The following TMEM163 variants were observed in gnomAD, a reference collection of about 807,000 sequenced individuals.
TMEM163 encodes transmembrane protein 163.
Under a neutral mutation model 29.3 loss-of-function variants are expected in TMEM163, and 17 were observed. That is an observed-to-expected ratio of 0.58 (90% CI 0.40 to 0.87). The LOEUF (loss-of-function observed/expected upper bound fraction) is 0.87. Ranked by LOEUF, TMEM163 falls within the 40% of genes least tolerant of loss-of-function variation. The pLI, the probability that TMEM163 is intolerant of heterozygous loss-of-function variation, is 0.00. For synonymous variants in TMEM163, 157 were observed against 160.6 expected (o/e 0.98, Z 0.17); for missense variants, 303 against 381.5 (o/e 0.79, Z 1.71).
chr2:134,664,552 G>A (rs1451753372), intron 2 of TMEM163, among the ~76,000 whole-genome samples: 1 of 152,198 alleles, frequency 6.6e-6, no homozygotes, highest in African/African-American at 2.4e-5. Flanking sequence ...CTTGAGGTAA[G>A]GAGATTATCC....
chr2:134,484,036 A>G (rs1256815349), intron 5 of TMEM163, among the ~76,000 whole-genome samples: 1 of 152,130 alleles, frequency 6.6e-6, no homozygotes, highest in Non-Finnish European at 1.5e-5. Context: ...GCTACTCGGG[A>G]GAGGTTGAGG....
At chr2:134,470,220 G>A (rs561476242) in intron 5 of TMEM163, among the ~76,000 whole-genome samples, 67 of 152,232 alleles carry the variant, frequency 4.4e-4, no homozygotes, top group African/African-American at 1.2e-3. Flanking sequence ...AGCTGGGCGC[G>A]GTGGCGGGCG....
chr2:134,650,449 CA>C (rs764078844), intron 2 of TMEM163, among the ~76,000 whole-genome samples: 11 of 151,486 alleles, frequency 7.3e-5, no homozygotes, highest in Admixed American at 1.3e-4. Context: ...ATCATATCAT[CA>C]ATGAAGACAG....
intron 4 of TMEM163, among the ~76,000 whole-genome samples, chr2:134,545,587 G>A (rs1231667707): frequency 6.6e-6 from 1 of 151,790 alleles, no homozygotes; most frequent in East Asian, 1.9e-4. Context: ...ACTCACTGAC[G>A]ACTCACTGAT....
chr2:134,522,956 C>T (rs1049411472), intron 4 of TMEM163, among the ~76,000 whole-genome samples: 2 of 152,200 alleles, frequency 1.3e-5, no homozygotes, highest in Non-Finnish European at 2.9e-5. Flanking sequence ...AATTACCAGC[C>T]TGCTGGCTTT....
chr2:134,619,565 A>C (rs1177798466), intron 2 of TMEM163, among the ~76,000 whole-genome samples: 1 of 152,222 alleles, frequency 6.6e-6, no homozygotes, highest in Non-Finnish European at 1.5e-5. Context: ...GGAAAAAAAG[A>C]AACACACACT....
At position 134,586,961 on chromosome 2, in the gene TMEM163, A is replaced by T. The variant is rs189017364; in HGVS notation, c.323-34870T>A. ...GTAGACAGAGTACACTTCCTTTCCC[A>T]TGAAACCTGGGCAAAATGAGAAGGG... On this transcript the variant is annotated intron_variant, in intron 2 of 7. Coordinates refer to ENST00000281924, the MANE Select transcript of TMEM163 (RefSeq NM_030923.5). Among the ~76,000 whole-genome samples the T allele has an allele frequency of 2.5e-3, 384 of 152,258 alleles. 10 individuals carry two copies. Among genetic ancestry groups the T allele is most frequent in the Admixed American group, 0.019 (287 of 15,294 alleles).
intron 5 of TMEM163, among the ~76,000 whole-genome samples, chr2:134,480,365 C>T (rs1687021465): frequency 6.6e-6 from 1 of 151,216 alleles, no homozygotes. Flanking sequence ...GTCAGCTTCT[C>T]AGTGAGGTGG....
At chr2:134,604,971 G>T (rs1031970662) in intron 2 of TMEM163, among the ~76,000 whole-genome samples, 1 of 152,108 alleles carries the variant, frequency 6.6e-6, no homozygotes, top group Non-Finnish European at 1.5e-5. Context: ...CCAGAGGTCG[G>T]GATTTCGAGA....
At chr2:134,603,221 T>C (rs1378437626) in intron 2 of TMEM163, among the ~76,000 whole-genome samples, 1 of 152,330 alleles carries the variant, frequency 6.6e-6, no homozygotes, top group East Asian at 1.9e-4. Flanking sequence ...CTGGGCAGAC[T>C]ACACTTCTTA....
In TMEM163 at chr2:134,597,348, C is replaced by T. The variant is rs536242520; in HGVS notation, c.323-45257G>A. ...AGCATTGTTGAATTTTGTCAAAGGCCTTTTCTGCATCTATTGAGATAATCA... is the reference window on the plus strand; with the variant it reads ...AGCATTGTTGAATTTTGTCAAAGGCTTTTTCTGCATCTATTGAGATAATCA... On this transcript the variant is annotated intron_variant, in intron 2 of 7. Transcript: ENST00000281924. 2.7e-4 allele frequency among the ~76,000 whole-genome samples: 41 copies of T among 152,214 alleles called. 2 individuals carry two copies. The highest frequency in any genetic ancestry group is 8.9e-4 in the African/African-American group (37 of 41,530).
intron 2 of TMEM163, among the ~76,000 whole-genome samples, chr2:134,604,492 T>C (rs1682306735): frequency 1.3e-5 from 2 of 150,568 alleles, no homozygotes; most frequent in African/African-American, 4.9e-5. Context: ...GTACCAATGT[T>C]CATGTAAAGA....
chr2:134,542,476 CCA>C (rs1680696160), intron 4 of TMEM163, among the ~76,000 whole-genome samples: 1 of 152,202 alleles, frequency 6.6e-6, no homozygotes, highest in African/African-American at 2.4e-5. Context: ...AATCCCCAGG[CCA>C]CAGACTGTCA....
intron 2 of TMEM163, among the ~76,000 whole-genome samples, chr2:134,709,185 T>C (rs971435195): frequency 1.1e-4 from 17 of 152,312 alleles, no homozygotes; most frequent in African/African-American, 3.6e-4. Flanking sequence ...GACTTTTTTT[T>C]CCACATTTGT....
intron 4 of TMEM163, among the ~76,000 whole-genome samples, chr2:134,536,175 G>A (rs1680536505): frequency 6.6e-6 from 1 of 152,116 alleles, no homozygotes; most frequent in African/African-American, 2.4e-5. Context: ...TAACAGATAA[G>A]GAAATGGAAG....
At chr2:134,631,094 CAGGTGTACAGA>C (rs1682956805) in intron 2 of TMEM163, among the ~76,000 whole-genome samples, 2 of 152,062 alleles carry the variant, frequency 1.3e-5, no homozygotes, top group African/African-American at 4.8e-5. Flanking sequence ...AAAGGCATTC[CAGGTGTACAGA>C]AGGACCTTCT....
chr2:134,663,313 C>T (rs1683798882), intron 2 of TMEM163, among the ~76,000 whole-genome samples: 1 of 152,298 alleles, frequency 6.6e-6, no homozygotes, highest in East Asian at 1.9e-4. Flanking sequence ...TCAAGGCCTG[C>T]TGGGTGGACC....
chr2:134,637,384 C>A (rs990012522), intron 2 of TMEM163, among the ~76,000 whole-genome samples: 2 of 152,170 alleles, frequency 1.3e-5, no homozygotes, highest in Non-Finnish European at 2.9e-5. Flanking sequence ...GAGATGGCAT[C>A]CCATCCAGGG....
intron 4 of TMEM163, among the ~76,000 whole-genome samples, chr2:134,522,315 A>C (rs2106495534): frequency 6.6e-6 from 1 of 152,374 alleles, no homozygotes; most frequent in African/African-American, 2.4e-5. Flanking sequence ...AGAGGAAAGA[A>C]AGCAGCATAA....
Sources: allele counts gnomAD v4.1 joint callset (sites outside exome capture counted in the v4.1 genomes callset), GRCh38; gene constraint gnomAD v4.1.1; transcripts MANE v1.5; gene names NCBI Gene and HGNC (gene_info 2026-07-23, HGNC 2026-07-21).